Variants in APP observed in about 807,000 individuals in gnomAD.
APP encodes amyloid-beta precursor protein.
APP carries 31 observed loss-of-function variants against 101.4 expected under a neutral mutation model. The ratio of observed to expected loss-of-function variants is 0.31; its 90% CI spans 0.23 to 0.41. The LOEUF is 0.41. Ranked by LOEUF, APP falls within the 10% of genes least tolerant of loss-of-function variation. The pLI is 1.00. For missense variants in APP, 839 were observed against 1,003.7 expected, an observed-to-expected ratio of 0.84 and a Z score of 2.22; for synonymous variants, 366 against 364.4, an observed-to-expected ratio of 1.00 and a Z score of -0.05.
At chr21:26,091,940 T>TA (rs1189923931) in intron 2 of APP, among the ~76,000 whole-genome samples, 1 of 152,168 alleles carries the variant, frequency 6.6e-6, no homozygotes, top group Non-Finnish European at 1.5e-5. Context: ...AGTTAGACGA[T>TA]ACACGGAATT....
chr21:26,097,831 A>G (rs1175323248), intron 2 of APP, among the ~76,000 whole-genome samples: 2 of 152,188 alleles, frequency 1.3e-5, no homozygotes, highest in Non-Finnish European at 2.9e-5. Flanking sequence ...CTGTAATCCC[A>G]GCACTTTGGG....
intron 1 of APP, among the ~76,000 whole-genome samples, chr21:26,129,782 G>A (rs1038755728): frequency 2.0e-5 from 3 of 152,144 alleles, no homozygotes; most frequent in Admixed American, 6.5e-5. Flanking sequence ...TCCATGATAC[G>A]AGCACAGGTT....
chr21:25,960,065 C>T (rs1287422621), intron 11 of APP, among the ~76,000 whole-genome samples: 1 of 151,532 alleles, frequency 6.6e-6, no homozygotes, highest in African/African-American at 2.4e-5. Flanking sequence ...ATTTTTGTAA[C>T]CTTTTACAGG....
At chr21:25,950,708 A>C (rs2041038227) in intron 13 of APP, among the ~76,000 whole-genome samples, 1 of 152,040 alleles carries the variant, frequency 6.6e-6, no homozygotes, top group Non-Finnish European at 1.5e-5. Flanking sequence ...GAGGAATTGA[A>C]GTGGGAGGGG....
At chr21:26,087,980 C>A (rs753329059) in intron 3 of APP, among the ~76,000 whole-genome samples, 3 of 151,928 alleles carry the variant, frequency 2.0e-5, no homozygotes, top group Non-Finnish European at 4.4e-5. Flanking sequence ...TTGTACTGTT[C>A]GTTCACTTGG....
At chr21:25,961,250 C>G (rs1352795726) in intron 11 of APP, among the ~76,000 whole-genome samples, 1 of 152,100 alleles carries the variant, frequency 6.6e-6, no homozygotes, top group Non-Finnish European at 1.5e-5. Context: ...CAGACCAAAC[C>G]AATGTACTTC....
chr21:26,096,985 ACTCTT>A (rs1176858705), intron 2 of APP, among the ~76,000 whole-genome samples: 1 of 152,094 alleles, frequency 6.6e-6, no homozygotes, highest in Admixed American at 6.5e-5. Flanking sequence ...GTGCCCTCTA[ACTCTT>A]TTAAGTCTTG....
At chr21:25,935,891 C>T (rs2040344652) in intron 13 of APP, among the ~76,000 whole-genome samples, 1 of 148,484 alleles carries the variant, frequency 6.7e-6, no homozygotes, top group East Asian at 2.0e-4. Flanking sequence ...CAAGTGTATG[C>T]ACTTCACATA....
chr21:26,155,716 C>A (rs2063361049), intron 1 of APP, among the ~76,000 whole-genome samples: 1 of 152,168 alleles, frequency 6.6e-6, no homozygotes, highest in African/African-American at 2.4e-5. Flanking sequence ...TGATATCTGG[C>A]TGGGCGCGGT....
intron 17 of APP, among the ~76,000 whole-genome samples, chr21:25,884,763 A>G (rs955302259): frequency 2.0e-5 from 3 of 152,220 alleles, no homozygotes; most frequent in Non-Finnish European, 2.9e-5. Flanking sequence ...GAAAAAAGCC[A>G]CAATGCTGCT....
chr21:25,928,712 A>G (rs897022342), intron 13 of APP: 1 of 151,860 alleles, frequency 6.6e-6, no homozygotes, highest in Admixed American at 6.6e-5. Flanking sequence ...CATGTCTTCT[A>G]CAAACAAAAA....
intron 16 of APP, among the ~76,000 whole-genome samples, chr21:25,895,406 C>T (rs2037972054): frequency 6.6e-6 from 1 of 152,124 alleles, no homozygotes. Flanking sequence ...CCTTGTGATC[C>T]ACCTGCCTTG....
At chr21:26,131,183 C>T (rs1051276678) in intron 1 of APP, among the ~76,000 whole-genome samples, 3 of 152,006 alleles carry the variant, frequency 2.0e-5, no homozygotes, top group African/African-American at 4.8e-5. Context: ...GAGCCAAGAT[C>T]GCACCACTGC....
intron 13 of APP, among the ~76,000 whole-genome samples, chr21:25,912,201 C>T (rs541187062): frequency 6.6e-6 from 1 of 152,348 alleles, no homozygotes; most frequent in East Asian, 1.9e-4. Flanking sequence ...GGCAGGACTG[C>T]AGGCAGGAGC....
At chr21:25,961,188 C>T (rs1483311432) in intron 11 of APP, among the ~76,000 whole-genome samples, 2 of 152,046 alleles carry the variant, frequency 1.3e-5, no homozygotes, top group African/African-American at 4.8e-5. Flanking sequence ...CCTAGAAGGC[C>T]CCTCCCCACT....
At chr21:26,072,567 G>A (rs2061427212) in intron 3 of APP, among the ~76,000 whole-genome samples, 1 of 152,054 alleles carries the variant, frequency 6.6e-6, no homozygotes, top group African/African-American at 2.4e-5. Flanking sequence ...AAAAATGAAT[G>A]CATAAATATT....
chr21:25,906,946 A>G (rs1239853166), intron 14 of APP, among the ~76,000 whole-genome samples: 1 of 152,248 alleles, frequency 6.6e-6, no homozygotes, highest in Non-Finnish European at 1.5e-5. Context: ...ATGCAGGCTG[A>G]GGAGCTGGTA....
chr21:26,142,021 T>C (rs1441970166), intron 1 of APP, among the ~76,000 whole-genome samples: 2 of 152,140 alleles, frequency 1.3e-5, no homozygotes, highest in Non-Finnish European at 2.9e-5. Flanking sequence ...ACTATATACA[T>C]AACCTGGGAA....
Position 25,881,783 on chromosome 21 carries a change from G to T in APP, c.2212-12C>A, listed in dbSNP as rs1396053306. ...ACAGCGGCGTCAACCTGAAAAACAA[G>T]AGGAGAGCTGAGTAAAAAATAAAAA... On this transcript the variant is annotated splice_polypyrimidine_tract_variant and intron_variant, in intron 17 of 17. Coordinates refer to ENST00000346798, the MANE Select transcript of APP (RefSeq NM_000484.4). 6.2e-7 allele frequency: 1 copy of T among 1,609,380 alleles called. No individual in the cohort carries two copies. The highest frequency in any genetic ancestry group is 8.5e-7 in the Non-Finnish European group (1 of 1,177,562).
Sources: allele counts gnomAD v4.1 joint callset (sites outside exome capture counted in the v4.1 genomes callset), GRCh38; gene constraint gnomAD v4.1.1; transcripts MANE v1.5; gene names NCBI Gene and HGNC (gene_info 2026-07-23, HGNC 2026-07-21).